Variants in PRKN observed in about 807,000 individuals in gnomAD.
The protein encoded by PRKN is parkin RBR E3 ubiquitin protein ligase, also known as E3 ubiquitin-protein ligase parkin.
In PRKN, 56 loss-of-function variants were observed where a neutral mutation model predicts 59.5. That is an observed-to-expected ratio of 0.94 (90% CI 0.76 to 1.18). The LOEUF (loss-of-function observed/expected upper bound fraction) is 1.18. Ranked by LOEUF, PRKN falls within the 50% of genes most tolerant of loss-of-function variation. The pLI is 0.00. For synonymous variants in PRKN, 250 were observed against 222.1 expected, an observed-to-expected ratio of 1.13 and a Z score of -1.12; for missense variants, 657 against 596.4, an observed-to-expected ratio of 1.10 and a Z score of -1.06.
Position 162,322,203 on chromosome 6 carries a change from T to G in PRKN, c.172-59438A>C, listed in dbSNP as rs111382071. ...TGGAATTAAGAAACACCATTTACAA[T>G]AGATCAACATATAAAATACGCAAAA... On this transcript the variant is annotated intron_variant, in intron 2 of 11. Transcript: ENST00000366898. 5.5e-3 allele frequency among the ~76,000 whole-genome samples: 634 copies of G among 114,990 alleles called. 6 individuals are homozygous for G. Among genetic ancestry groups the G allele is most frequent in the African/African-American group, 0.018 (609 of 34,398 alleles). 75.4% of individuals were successfully genotyped at this position (114,990 alleles called of 152,430 possible).
intron 1 of PRKN, among the ~76,000 whole-genome samples, chr6:162,520,059 G>A (rs938386592): frequency 6.6e-6 from 1 of 152,090 alleles, no homozygotes; most frequent in African/African-American, 2.4e-5. Context: ...AGACCAGCCT[G>A]GACAACATAG....
At chr6:161,707,054 C>T (rs1264683897) in intron 7 of PRKN, among the ~76,000 whole-genome samples, 3 of 152,064 alleles carry the variant, frequency 2.0e-5, no homozygotes, top group African/African-American at 4.8e-5. Context: ...TTCAATTTTT[C>T]CTGTCTCATT....
At position 161,349,991 on chromosome 6, in the gene PRKN, T is replaced by C. The variant is rs984344247; in HGVS notation, c.*108A>G. 25 of 775,330 alleles carry C rather than the reference T, an allele frequency of 3.2e-5. No homozygotes were observed. The highest frequency in any genetic ancestry group is 2.2e-4 in the Admixed American group (11 of 49,934). 48.0% of individuals were successfully genotyped at this position (775,330 alleles called of 1,614,324 possible). A position where few individuals can be genotyped will look rare whatever the true frequency, so the allele number is the denominator to read the frequency against. On this transcript the variant is annotated 3_prime_UTR_variant, in exon 12 of 12. Transcript: ENST00000366898. The surrounding 1 kb of genome is among the most constrained non-coding windows in gnomAD (Gnocchi z 5.5). The stretch of plus-strand genomic sequence containing the variant: ...TTGAAAAAAACTTGAAGAGTGTGTG[T>C]GCGCGCGCGCGCGTGTGTGTGTGTG...
At chr6:162,230,404 C>T (rs1778371483) in intron 3 of PRKN, among the ~76,000 whole-genome samples, 1 of 152,166 alleles carries the variant, frequency 6.6e-6, no homozygotes, top group African/African-American at 2.4e-5. Flanking sequence ...TTGAAATAAT[C>T]CTGCAAGAGG....
At position 161,393,386 on chromosome 6, in the gene PRKN, G is replaced by C. The variant is rs1786604897; in HGVS notation, c.1084-6509C>G. ...TAAACTACTCATAAGACATAAGACT[G>C]CTGTCTAGAAAGGGATGAGGCCTCT... On this transcript the variant is annotated intron_variant, in intron 9 of 11. Transcript: ENST00000366898. The surrounding 1 kb of genome is among the most constrained non-coding windows in gnomAD (Gnocchi z 4.7). Among the ~76,000 whole-genome samples, 1 of 152,110 alleles carries C rather than the reference G, an allele frequency of 6.6e-6. No individual in the cohort carries two copies.
intron 2 of PRKN, among the ~76,000 whole-genome samples, chr6:162,377,007 C>T (rs1786141348): frequency 6.6e-6 from 1 of 152,014 alleles, no homozygotes; most frequent in Admixed American, 6.5e-5. Flanking sequence ...ATGCGCTGGA[C>T]ACAGTGCCCA....
At position 162,662,301 on chromosome 6, in the gene PRKN, C is replaced by T. The variant is rs1289464259; in HGVS notation, c.7+65361G>A. Among the ~76,000 whole-genome samples the T allele has an allele frequency of 4.7e-5, 7 of 148,044 alleles. 1 individual carries two copies. Among genetic ancestry groups the T allele is most frequent in the South Asian group, 4.2e-4 (2 of 4,712 alleles). ...TTTTTCTTGTTGAGTTGTTTGAGTT[C>T]CTTGTAGATTCTGGATATTAGCCCT... On this transcript the variant is annotated intron_variant, in intron 1 of 11. Transcript: ENST00000366898.
intron 7 of PRKN, among the ~76,000 whole-genome samples, chr6:161,778,060 T>C (rs1583151475): frequency 6.6e-6 from 1 of 151,956 alleles, no homozygotes; most frequent in East Asian, 1.9e-4. Context: ...ACCATTTGTA[T>C]GGGCTAGGGG....
intron 1 of PRKN, among the ~76,000 whole-genome samples, chr6:162,571,607 G>A (rs896561292): frequency 6.6e-6 from 1 of 152,088 alleles, no homozygotes; most frequent in Non-Finnish European, 1.5e-5. Context: ...TTCCCCACAC[G>A]AGAAAACAGC....
chr6:162,662,065 C>A (rs1778906533), intron 1 of PRKN, among the ~76,000 whole-genome samples: 1 of 151,846 alleles, frequency 6.6e-6, no homozygotes, highest in Non-Finnish European at 1.5e-5. Context: ...TTATATATAT[C>A]TGCAATAAAC....
chr6:162,640,228 C>A (rs1777908949), intron 1 of PRKN, among the ~76,000 whole-genome samples: 1 of 152,062 alleles, frequency 6.6e-6, no homozygotes, highest in African/African-American at 2.4e-5. Context: ...TAAGAACTTG[C>A]TCTTTAATAG....
Position 162,056,363 on chromosome 6 carries a change from A to G in PRKN, c.535-2189T>C, listed in dbSNP as rs1417345349. Among the ~76,000 whole-genome samples, 1 of 151,484 alleles carries G rather than the reference A, an allele frequency of 6.6e-6. No individual in the cohort carries two copies. The highest frequency in any genetic ancestry group is 6.6e-5 in the Admixed American group (1 of 15,188). ...CAGCACACAGGCATACACATACTAC[A>G]TACACTCACACACTCATGCATGCAC... On this transcript the variant is annotated intron_variant, in intron 4 of 11. Transcript: ENST00000366898. The surrounding 1 kb of genome is among the most constrained non-coding windows in gnomAD (Gnocchi z 4.9).
chr6:162,358,701 G>C (rs1486239425), intron 2 of PRKN, among the ~76,000 whole-genome samples: 3 of 152,070 alleles, frequency 2.0e-5, no homozygotes. Context: ...ATATCATAAA[G>C]TGTCTCCTAT....
Position 162,458,027 on chromosome 6 carries a change from G to A in PRKN, c.8-14554C>T, listed in dbSNP as rs549156763. Among the ~76,000 whole-genome samples the A allele has an allele frequency of 2.4e-4, 36 of 151,524 alleles. 1 individual carries two copies. The highest frequency in any genetic ancestry group is 8.0e-4 in the African/African-American group (33 of 41,292). On this transcript the variant is annotated intron_variant, in intron 1 of 11. Coordinates refer to ENST00000366898, the MANE Select transcript of PRKN (RefSeq NM_004562.3). ...TCCAAGCTCTTTGAGAGGCTGAGGT[G>A]GGTGGATCACGAGGTCAGGAGTTTG... is the stretch of plus-strand genomic sequence containing the variant.
At chr6:161,350,268 C>T (rs1395651020) in intron 11 of PRKN, 57 bp from the exon 12 acceptor site, 6 of 1,206,840 alleles carry the variant, frequency 5.0e-6, no homozygotes, top group Admixed American at 3.7e-5. Context: ...CTGGAAAACA[C>T]GCATTCCCAA....
intron 6 of PRKN, among the ~76,000 whole-genome samples, chr6:161,836,028 T>C (rs1008117033): frequency 2.6e-5 from 4 of 152,322 alleles, no homozygotes; most frequent in African/African-American, 9.6e-5. Flanking sequence ...GCCAGAAAGA[T>C]GACAGGCTTT....
At chr6:162,591,227 T>A (rs1253532277) in intron 1 of PRKN, among the ~76,000 whole-genome samples, 1 of 152,170 alleles carries the variant, frequency 6.6e-6, no homozygotes, top group Non-Finnish European at 1.5e-5. Flanking sequence ...TACTTTCTTT[T>A]TTTTTTGTAA....
chr6:161,598,618 C>T (rs1289799286), intron 7 of PRKN, among the ~76,000 whole-genome samples: 2 of 152,274 alleles, frequency 1.3e-5, no homozygotes, highest in Non-Finnish European at 2.9e-5. Context: ...GATTATCTTT[C>T]TCTAATTCAT....
intron 2 of PRKN, among the ~76,000 whole-genome samples, chr6:162,332,833 C>A (rs1188208009): frequency 6.6e-6 from 1 of 152,122 alleles, no homozygotes; most frequent in African/African-American, 2.4e-5. Context: ...ATAGCACCAC[C>A]ACCAACACTT....
Sources: allele counts gnomAD v4.1 joint callset (sites outside exome capture counted in the v4.1 genomes callset), GRCh38; gene constraint gnomAD v4.1.1; non-coding constraint Gnocchi (gnomAD v3.1); transcripts MANE v1.5; gene names NCBI Gene and HGNC (gene_info 2026-07-23, HGNC 2026-07-21).